The following RGS7 variants were observed in gnomAD, a reference collection of about 807,000 sequenced individuals.
The protein encoded by RGS7 is regulator of G-protein signaling 7.
In RGS7, 27 loss-of-function variants were observed where a neutral mutation model predicts 81.1. The ratio of observed to expected loss-of-function variants is 0.33; its 90% CI spans 0.25 to 0.46. The LOEUF is 0.46. Ranked by LOEUF, RGS7 falls within the 20% of genes least tolerant of loss-of-function variation. The pLI, the probability that RGS7 is intolerant of heterozygous loss-of-function variation, is 1.00. For synonymous variants in RGS7, 208 were observed against 207.7 expected, an observed-to-expected ratio of 1.00 and a Z score of -0.01; for missense variants, 396 against 607.4, an observed-to-expected ratio of 0.65 and a Z score of 3.66.
intron 9 of RGS7, among the ~76,000 whole-genome samples, chr1:240,863,703 G>A (rs913654619): frequency 3.3e-5 from 5 of 152,022 alleles, no homozygotes; most frequent in African/African-American, 1.2e-4. Flanking sequence ...TATAATATAT[G>A]AAAAATGCCC....
chr1:241,082,040 A>AT (rs2148898145), intron 3 of RGS7, among the ~76,000 whole-genome samples: 1 of 152,312 alleles, frequency 6.6e-6, no homozygotes, highest in East Asian at 1.9e-4. Context: ...TGATAGACAT[A>AT]TTTATGTATT....
intron 3 of RGS7, among the ~76,000 whole-genome samples, chr1:240,985,772 TA>T (rs1685563827): frequency 6.6e-6 from 1 of 151,834 alleles, no homozygotes; most frequent in African/African-American, 2.4e-5. Context: ...CTTGAAGAGA[TA>T]GGTAGAGAGA....
At chr1:240,928,286 C>T (rs2148333653) in intron 6 of RGS7, among the ~76,000 whole-genome samples, 1 of 152,328 alleles carries the variant, frequency 6.6e-6, no homozygotes, top group Non-Finnish European at 1.5e-5. Context: ...TTTTCCAACA[C>T]ACTGGATTTT....
At chr1:241,267,479 CTT>C (rs1405703416) in intron 2 of RGS7, among the ~76,000 whole-genome samples, 1 of 152,010 alleles carries the variant, frequency 6.6e-6, no homozygotes, top group Admixed American at 6.6e-5. Context: ...TTTTCTCTCT[CTT>C]TCAATTTTTG....
intron 2 of RGS7, among the ~76,000 whole-genome samples, chr1:241,263,953 G>A (rs929047704): frequency 6.6e-6 from 1 of 152,124 alleles, no homozygotes; most frequent in African/African-American, 2.4e-5. Context: ...TGGCGCCTCT[G>A]TGGTTTTAAA....
At chr1:241,145,005 T>C (rs1177215215) in intron 2 of RGS7, among the ~76,000 whole-genome samples, 1 of 150,934 alleles carries the variant, frequency 6.6e-6, no homozygotes, top group Admixed American at 6.6e-5. Context: ...CACCTCAGCC[T>C]TGGGTGTCGA....
Position 240,936,653 on chromosome 1 carries a change from T to G in RGS7, c.280A>C (p.Ile94Leu). The change falls in exon 5 of 19, where the codon ATC becomes CTC. Residue 94 changes from isoleucine (I) to leucine (L), a missense_variant. Transcript: ENST00000440928. The part of the protein sequence containing the change: ...LMAAHGYFFP[I>L]SDHVLTLKDD... ...TTGAGTGTGAGGACATGATCTGAGA[T>G]TGGAAAGAAGTAGCCGTGGGCAGCC... 1 of 1,614,122 alleles carries G rather than the reference T, an allele frequency of 6.2e-7. No individual in the cohort carries two copies. Among genetic ancestry groups the G allele is most frequent in the Non-Finnish European group, 8.5e-7 (1 of 1,180,000 alleles).
chr1:241,010,578 T>C (rs2058909177), intron 3 of RGS7, among the ~76,000 whole-genome samples: 1 of 152,182 alleles, frequency 6.6e-6, no homozygotes, highest in Admixed American at 6.5e-5. Context: ...ATACTTTATT[T>C]TGCTCTCCTC....
At chr1:240,901,977 T>G (rs1302965938) in intron 6 of RGS7, among the ~76,000 whole-genome samples, 1 of 152,236 alleles carries the variant, frequency 6.6e-6, no homozygotes, top group Non-Finnish European at 1.5e-5. Flanking sequence ...GCATTTGTTT[T>G]AGTTCTGACA....
In RGS7 at chr1:241,258,283, G is replaced by A. The variant is rs563187408; in HGVS notation, c.78+97416C>T. On this transcript the variant is annotated intron_variant, in intron 2 of 18. Transcript: ENST00000440928. ...AGGAAAGAGACCTAGACTTAATGTA[G>A]ATAAAACAAATTGACATGGGACGTG... 5.3e-5 allele frequency among the ~76,000 whole-genome samples: 8 copies of A among 152,170 alleles called. No individual in the cohort carries two copies. The East Asian group carries it at 1.5e-3, about 29-fold the overall frequency.
chr1:241,218,567 T>C lies in RGS7; in HGVS notation c.79-119805A>G, dbSNP rs559083132. 8.5e-5 allele frequency among the ~76,000 whole-genome samples: 13 copies of C among 152,342 alleles called. 1 individual carries two copies. In the Middle Eastern group the frequency reaches 0.01, roughly 120 times the overall value. Reference sequence around the variant, plus strand: ...ACCTAGAGGGGCTGTTGAAACAGACTGCTGCTCTGGGTCCTTTCCCCTTCC... The same window carrying C: ...ACCTAGAGGGGCTGTTGAAACAGACCGCTGCTCTGGGTCCTTTCCCCTTCC... On this transcript the variant is annotated intron_variant, in intron 2 of 18. Coordinates refer to ENST00000440928, the MANE Select transcript of RGS7 (RefSeq NM_001364886.1).
At chr1:240,860,142 T>C (rs1001763076) in intron 9 of RGS7, among the ~76,000 whole-genome samples, 11 of 152,194 alleles carry the variant, frequency 7.2e-5, no homozygotes, top group Non-Finnish European at 1.5e-4. Context: ...GAGTGCTCCA[T>C]GGAAGCTTGA....
intron 2 of RGS7, among the ~76,000 whole-genome samples, chr1:241,275,260 C>A (rs1177105034): frequency 6.6e-6 from 1 of 152,128 alleles, no homozygotes; most frequent in East Asian, 1.9e-4. Context: ...AATGCTTTGA[C>A]CTGAGGCTGA....
chr1:240,802,456 G>A lies in RGS7; in HGVS notation c.1359+448C>T, dbSNP rs114949904. On this transcript the variant is annotated intron_variant, in intron 16 of 18. Coordinates refer to ENST00000440928, the MANE Select transcript of RGS7 (RefSeq NM_001364886.1). ...AAAAATATTCGGAAGCAAACATTCC[G>A]ACATTTTGTCATCTATTATTGAAAA... 5.6e-3 allele frequency among the ~76,000 whole-genome samples: 852 copies of A among 152,220 alleles called. 5 individuals carry two copies. The highest frequency in any genetic ancestry group is 0.019 in the African/African-American group (795 of 41,544).
intron 2 of RGS7, among the ~76,000 whole-genome samples, chr1:241,287,875 T>C (rs988907885): frequency 6.6e-6 from 1 of 152,164 alleles, no homozygotes; most frequent in Non-Finnish European, 1.5e-5. Context: ...CCATATTTTC[T>C]AATGAAAAAA....
At chr1:241,260,951 T>G (rs1055180169) in intron 2 of RGS7, among the ~76,000 whole-genome samples, 1 of 148,568 alleles carries the variant, frequency 6.7e-6, no homozygotes, top group Non-Finnish European at 1.5e-5. Flanking sequence ...AGGGATAGCA[T>G]TGGGAGATAT....
Position 241,113,964 on chromosome 1 carries a change from T to A in RGS7, c.79-15202A>T, listed in dbSNP as rs553346469. 2.2e-4 allele frequency among the ~76,000 whole-genome samples: 33 copies of A among 152,338 alleles called. 1 individual carries two copies. In the South Asian group the frequency reaches 6.0e-3, roughly 28 times the overall value. ...ATGTGTACATGTCTTATTTCTTTTGTTCTCTTTTACTGAAAGTTTCTTCAG... is the reference window on the plus strand; with the variant it reads ...ATGTGTACATGTCTTATTTCTTTTGATCTCTTTTACTGAAAGTTTCTTCAG... On this transcript the variant is annotated intron_variant, in intron 2 of 18. Transcript: ENST00000440928.
chr1:241,296,244 A>T (rs2079416327), intron 2 of RGS7, among the ~76,000 whole-genome samples: 1 of 152,166 alleles, frequency 6.6e-6, no homozygotes, highest in South Asian at 2.1e-4. Flanking sequence ...AAGATACCAG[A>T]GGACCACACT....
chr1:240,915,136 G>A (rs968769408), intron 6 of RGS7, among the ~76,000 whole-genome samples: 5 of 152,106 alleles, frequency 3.3e-5, no homozygotes, highest in South Asian at 4.1e-4. Context: ...TAACCATTCC[G>A]AAATACACCC....
Sources: allele counts gnomAD v4.1 joint callset (sites outside exome capture counted in the v4.1 genomes callset), GRCh38; gene constraint gnomAD v4.1.1; transcripts MANE v1.5; gene names NCBI Gene and HGNC (gene_info 2026-07-23, HGNC 2026-07-21).